ZBTB10: variants seen among roughly 807,000 people sequenced by gnomAD.
The protein encoded by ZBTB10 is zinc finger and BTB domain containing 10, also known as zinc finger and BTB domain-containing protein 10.
A neutral mutation model predicts 76.4 loss-of-function variants in ZBTB10; 32 were observed. That is an observed-to-expected ratio of 0.42 (90% CI 0.32 to 0.56). The LOEUF is 0.56. Ranked by LOEUF, ZBTB10 falls within the 20% of genes least tolerant of loss-of-function variation. The probability of loss-of-function intolerance (pLI) is 0.14; values close to 1 mark genes in which losing one functional copy is unlikely to be tolerated. For missense variants in ZBTB10, 1,057 were observed against 1,098.5 expected (o/e 0.96, Z 0.53); for synonymous variants, 523 against 432.9 (o/e 1.21, Z -2.58).
chr8:80,518,712 T>G, intron 4 of ZBTB10, 70 bp from the exon 5 acceptor site: 1 of 1,502,064 alleles, frequency 6.7e-7, no homozygotes, highest in Non-Finnish European at 8.9e-7. Context: ...GAGATAGAGA[T>G]AAGAAGTTTT....
chr8:80,524,469 A>G lies in ZBTB10; in HGVS notation c.*4941A>G, dbSNP rs1241319232. 2 of 152,106 alleles carry G rather than the reference A, an allele frequency of 1.3e-5. No homozygotes were observed. The highest frequency in any genetic ancestry group is 4.8e-5 in the African/African-American group (2 of 41,452). The allele number at this position is 152,106 out of a possible 1,614,324, so 9.4% of individuals were successfully genotyped here. On this transcript the variant is annotated 3_prime_UTR_variant, in exon 6 of 6. Coordinates refer to ENST00000455036, the MANE Select transcript of ZBTB10 (RefSeq NM_001105539.3). Reference sequence around the variant, plus strand: ...TTGTATATTTGTGGACTGATTGACTACAAGTGATGTGATGTTATAAATTTG... The same window carrying G: ...TTGTATATTTGTGGACTGATTGACTGCAAGTGATGTGATGTTATAAATTTG...
intron 2 of ZBTB10, among the ~76,000 whole-genome samples, chr8:80,513,378 A>C (rs1361031781): frequency 6.6e-6 from 1 of 152,120 alleles, no homozygotes; most frequent in Non-Finnish European, 1.5e-5. Flanking sequence ...CCTGGCCTCA[A>C]GTGATCTGCC....
intron 1 of ZBTB10, among the ~76,000 whole-genome samples, chr8:80,489,579 T>A (rs1563455706): frequency 6.6e-6 from 1 of 152,152 alleles, no homozygotes; most frequent in Non-Finnish European, 1.5e-5. Context: ...GAACCTGAAA[T>A]CAGAAGAAGG....
rs376778945 is a variant in ZBTB10, at chr8:80,487,546, C to G, written c.736C>G (p.Leu246Val). ...LARPKSLMQK[L>V]QCSFQTSWLK... ...GCGGCCCAAGTCTCTAATGCAGAAG[C>G]TCCAATGCTCCTTCCAGACCTCCTG... The change falls in exon 1 of 6, where the codon CTC becomes GTC. Residue 246 changes from leucine to valine, a missense_variant. By Grantham distance (32) the Leu-to-Val change is conservative. Coordinates refer to ENST00000455036, the MANE Select transcript of ZBTB10 (RefSeq NM_001105539.3). 6.3e-7 allele frequency: 1 copy of G among 1,597,648 alleles called. No individual in the cohort carries two copies.
At position 80,523,591 on chromosome 8, in the gene ZBTB10, A is replaced by G. The variant is rs958200603; in HGVS notation, c.*4063A>G. ...CCACACTTAGAACTAACAGGTGTTT[A>G]GTCACTTTAGGACTTAAAATGGAAA... is the stretch of plus-strand genomic sequence containing the variant. On this transcript the variant is annotated 3_prime_UTR_variant, in exon 6 of 6. Transcript: ENST00000455036. 4 of 150,104 alleles carry G rather than the reference A, an allele frequency of 2.7e-5. No individual in the cohort carries two copies. The highest frequency in any genetic ancestry group is 1.3e-4 in the Admixed American group (2 of 15,064). The allele number at this position is 150,104 out of a possible 1,614,324, so 9.3% of individuals were successfully genotyped here.
chr8:80,516,447 G>A (rs945737394), intron 3 of ZBTB10, among the ~76,000 whole-genome samples: 4 of 152,216 alleles, frequency 2.6e-5, no homozygotes, highest in Non-Finnish European at 4.4e-5. Context: ...ATTTAGACAA[G>A]AAATATGGAT....
At chr8:80,509,558 T>A (rs1816139627) in intron 2 of ZBTB10, among the ~76,000 whole-genome samples, 1 of 152,144 alleles carries the variant, frequency 6.6e-6, no homozygotes, top group Non-Finnish European at 1.5e-5. Flanking sequence ...GAAGGGTTGC[T>A]AGCCCACCGT....
chr8:80,503,624 C>T (rs1416492176), intron 2 of ZBTB10, among the ~76,000 whole-genome samples: 1 of 152,102 alleles, frequency 6.6e-6, no homozygotes, highest in Admixed American at 6.5e-5. Flanking sequence ...TTCAAGCGTT[C>T]TCCTGCCTCA....
chr8:80,486,505 C>G lies in ZBTB10; in HGVS notation c.-306C>G, dbSNP rs375600210. The G allele has an allele frequency of 1.0e-6, 1 of 985,584 alleles. No homozygotes were observed. Among genetic ancestry groups the G allele is most frequent in the Non-Finnish European group, 1.2e-6 (1 of 830,160 alleles). 61.1% of individuals were successfully genotyped at this position (985,584 alleles called of 1,614,324 possible). A position where few individuals can be genotyped will look rare whatever the true frequency, so the allele number is the denominator to read the frequency against. On this transcript the variant is annotated 5_prime_UTR_variant, in exon 1 of 6. Coordinates refer to ENST00000455036, the MANE Select transcript of ZBTB10 (RefSeq NM_001105539.3). ...CCTCGCTCGCTGCAGGCTCGCTCCT[C>G]ACCTCTCCGCCGCCCGCCCCCTTCT...
At chr8:80,493,193 ACGCGCG>A (rs1199081931) in intron 1 of ZBTB10, among the ~76,000 whole-genome samples, 7 of 124,446 alleles carry the variant, frequency 5.6e-5, no homozygotes, top group African/African-American at 9.7e-5. Flanking sequence ...GTGCCTCAAA[ACGCGCG>A]CGCGCGCGCA....
At chr8:80,508,895 TTA>T (rs1272198423) in intron 2 of ZBTB10, among the ~76,000 whole-genome samples, 1 of 152,142 alleles carries the variant, frequency 6.6e-6, no homozygotes, top group Admixed American at 6.5e-5. Flanking sequence ...TTTGATCTGT[TTA>T]TATTGCATTT....
At chr8:80,516,108 G>T in intron 3 of ZBTB10, among the ~76,000 whole-genome samples, 1 of 151,950 alleles carries the variant, frequency 6.6e-6, no homozygotes, top group Non-Finnish European at 1.5e-5. Flanking sequence ...TTTTTCTTTT[G>T]AGATGGGGTC....
intron 1 of ZBTB10, among the ~76,000 whole-genome samples, chr8:80,496,223 A>G (rs1323431492): frequency 1.3e-5 from 2 of 152,240 alleles, no homozygotes; most frequent in South Asian, 2.1e-4. Flanking sequence ...TATTGAGTTT[A>G]GCAAATGATA....
chr8:80,509,253 C>T (rs950746863), intron 2 of ZBTB10, among the ~76,000 whole-genome samples: 3 of 152,062 alleles, frequency 2.0e-5, no homozygotes, highest in South Asian at 2.1e-4. Context: ...AAACTGTCAC[C>T]GTAAGAGAAA....
At position 80,521,768 on chromosome 8, in the gene ZBTB10, T is replaced by G. The variant is rs927564410; in HGVS notation, c.*2240T>G. 2.3e-4 allele frequency: 35 copies of G among 151,838 alleles called. No homozygotes were observed. Among genetic ancestry groups the G allele is most frequent in the Non-Finnish European group, 4.4e-4 (30 of 67,772 alleles). 9.4% of individuals were successfully genotyped at this position (151,838 alleles called of 1,614,324 possible). On this transcript the variant is annotated 3_prime_UTR_variant, in exon 6 of 6. Transcript: ENST00000455036. ...GCATACAGTAAATTGAAATACACAC[T>G]TGGTACACTACGGGATTGTTGTGCT...
intron 1 of ZBTB10, among the ~76,000 whole-genome samples, chr8:80,491,339 G>A (rs900615892): frequency 1.3e-5 from 2 of 152,196 alleles, no homozygotes; most frequent in African/African-American, 4.8e-5. Flanking sequence ...GCCTAGGTGT[G>A]TAGTAGGTTA....
intron 2 of ZBTB10, among the ~76,000 whole-genome samples, chr8:80,508,125 T>C (rs1816105365): frequency 2.0e-5 from 3 of 152,196 alleles, no homozygotes; most frequent in Admixed American, 2.0e-4. Context: ...ACCTGTAAGT[T>C]AGAAACTCTT....
rs1815834002 is a variant in ZBTB10, at chr8:80,498,148, TG to T, written c.973-1345del. ...CCATGCACATGATTGCATTAAGTCA[TG>T]TTTCGTGATTGTTTAGGGATCCACC... is the stretch of plus-strand genomic sequence containing the variant. On this transcript the variant is annotated intron_variant, in intron 1 of 5. Transcript: ENST00000455036. Among the ~76,000 whole-genome samples, 3 of 152,212 alleles carry T rather than the reference TG, an allele frequency of 2.0e-5. No homozygotes were observed. In the South Asian group the frequency reaches 6.2e-4, roughly 31 times the overall value.
chr8:80,510,305 A>G (rs764217429), intron 2 of ZBTB10, among the ~76,000 whole-genome samples: 2 of 152,194 alleles, frequency 1.3e-5, no homozygotes, highest in Non-Finnish European at 2.9e-5. Context: ...TTGCCTGCTT[A>G]TGTGCCAGGC....
Sources: allele counts gnomAD v4.1 joint callset (sites outside exome capture counted in the v4.1 genomes callset), GRCh38; gene constraint gnomAD v4.1.1; transcripts MANE v1.5; gene names NCBI Gene and HGNC (gene_info 2026-07-23, HGNC 2026-07-21).